The following ESRRG variants were observed in gnomAD, a reference collection of about 807,000 sequenced individuals.
The protein encoded by ESRRG is estrogen related receptor gamma.
Under a neutral mutation model 44.0 loss-of-function variants are expected in ESRRG, and 13 were observed. The ratio of observed to expected loss-of-function variants is 0.30; its 90% CI spans 0.19 to 0.47. The LOEUF is 0.47. Ranked by LOEUF, ESRRG falls within the 20% of genes least tolerant of loss-of-function variation. The pLI is 1.00. For synonymous variants in ESRRG, 215 were observed against 214.6 expected, an observed-to-expected ratio of 1.00 and a Z score of -0.02; for missense variants, 395 against 580.6, an observed-to-expected ratio of 0.68 and a Z score of 3.29.
At chr1:217,121,192 A>G (rs1227737689) in intron 1 of ESRRG, among the ~76,000 whole-genome samples, 1 of 152,172 alleles carries the variant, frequency 6.6e-6, no homozygotes, top group African/African-American at 2.4e-5. Context: ...AGATACAAAA[A>G]GAAATGCAAC....
intron 1 of ESRRG, among the ~76,000 whole-genome samples, chr1:217,130,123 G>A (rs1258460554): frequency 2.0e-5 from 3 of 152,196 alleles, no homozygotes; most frequent in African/African-American, 7.2e-5. Context: ...GATAGCAGCT[G>A]ACAAGTTGTC....
chr1:216,742,408 A>G (rs1368421132), intron 2 of ESRRG, among the ~76,000 whole-genome samples: 1 of 152,188 alleles, frequency 6.6e-6, no homozygotes, highest in African/African-American at 2.4e-5. Context: ...AAGATAAAAG[A>G]GAATAATGGA....
chr1:216,569,440 C>T (rs1003766398), intron 3 of ESRRG, among the ~76,000 whole-genome samples: 4 of 151,862 alleles, frequency 2.6e-5, no homozygotes, highest in African/African-American at 9.7e-5. Context: ...TGGGTTGGGT[C>T]AAGATTCAAA....
intron 2 of ESRRG, among the ~76,000 whole-genome samples, chr1:216,772,140 GA>G (rs1461910688): frequency 6.6e-6 from 1 of 152,100 alleles, no homozygotes; most frequent in Non-Finnish European, 1.5e-5. Context: ...GTGAGCTGAA[GA>G]ATGGAGGCCC....
chr1:216,622,618 GCACA>G (rs961026287), intron 3 of ESRRG, among the ~76,000 whole-genome samples: 3 of 150,792 alleles, frequency 2.0e-5, no homozygotes, highest in Non-Finnish European at 4.4e-5. Context: ...TTACACACAC[GCACA>G]CACACACACA....
At chr1:216,829,809 CT>C (rs2095457764) in intron 2 of ESRRG, among the ~76,000 whole-genome samples, 1 of 152,150 alleles carries the variant, frequency 6.6e-6, no homozygotes, top group Non-Finnish European at 1.5e-5. Flanking sequence ...CCTCCTCGGC[CT>C]CCCAAAGTGC....
chr1:217,119,005 G>GGATATATAGATA (rs1247398497), intron 1 of ESRRG, among the ~76,000 whole-genome samples: 1 of 137,352 alleles, frequency 7.3e-6, no homozygotes, highest in Admixed American at 7.2e-5. Flanking sequence ...GAAACTAGAT[G>GGATATATAGATA]GATAGATAGA....
intron 2 of ESRRG, among the ~76,000 whole-genome samples, chr1:216,828,095 G>T (rs2095427603): frequency 6.6e-6 from 1 of 152,056 alleles, no homozygotes; most frequent in Non-Finnish European, 1.5e-5. Context: ...AACTATCAAG[G>T]ATTGAACATT....
upstream of ESRRG, among the ~76,000 whole-genome samples, chr1:217,092,185 T>C (rs946466068): frequency 6.6e-6 from 1 of 152,230 alleles, no homozygotes; most frequent in African/African-American, 2.4e-5. Context: ...CTGTTGCTTA[T>C]TCAAGTTCAA....
chr1:217,024,699 C>T (rs1461972529), intron 1 of ESRRG, among the ~76,000 whole-genome samples: 1 of 152,206 alleles, frequency 6.6e-6, no homozygotes, highest in Admixed American at 6.5e-5. Flanking sequence ...GACTATGTCT[C>T]AGGGCTTCCT....
chr1:216,770,041 C>A (rs957582341), intron 2 of ESRRG, among the ~76,000 whole-genome samples: 4 of 151,614 alleles, frequency 2.6e-5, no homozygotes, highest in Non-Finnish European at 5.9e-5. Flanking sequence ...TAGGGTAGGG[C>A]AAAAAGAGCA....
intron 2 of ESRRG, among the ~76,000 whole-genome samples, chr1:216,936,241 T>C (rs2064133799): frequency 6.6e-6 from 1 of 152,120 alleles, no homozygotes; most frequent in African/African-American, 2.4e-5. Flanking sequence ...TAGTAGATGT[T>C]TGGCTTCTTG....
intron 3 of ESRRG, among the ~76,000 whole-genome samples, chr1:216,624,280 C>A (rs956200279): frequency 1.3e-5 from 2 of 152,170 alleles, no homozygotes; most frequent in African/African-American, 2.4e-5. Flanking sequence ...GTTCAATTAT[C>A]ATTGCAAAGA....
intron 4 of ESRRG, among the ~76,000 whole-genome samples, chr1:216,566,454 G>A (rs1032980478): frequency 1.3e-5 from 2 of 152,160 alleles, no homozygotes; most frequent in Non-Finnish European, 2.9e-5. Context: ...TACTTGACAA[G>A]CCACTTCCCA....
intron 2 of ESRRG, among the ~76,000 whole-genome samples, chr1:216,838,954 C>A (rs750890991): frequency 2.1e-4 from 32 of 152,056 alleles, no homozygotes; most frequent in Non-Finnish European, 3.5e-4. Context: ...GCTGGGGTAG[C>A]TGTAGCAGTT....
chr1:216,969,923 T>C (rs1249549420), intron 1 of ESRRG, among the ~76,000 whole-genome samples: 2 of 152,186 alleles, frequency 1.3e-5, no homozygotes, highest in Non-Finnish European at 2.9e-5. Flanking sequence ...TGTGATGTTT[T>C]CAAGCAAGAA....
chr1:216,511,792 T>A (rs2042801137), intron 6 of ESRRG, among the ~76,000 whole-genome samples: 1 of 152,184 alleles, frequency 6.6e-6, no homozygotes, highest in Non-Finnish European at 1.5e-5. Flanking sequence ...TTCAAAAAGA[T>A]TTCAGAAGCC....
chr1:216,801,827 T>C (rs1455326589), intron 2 of ESRRG, among the ~76,000 whole-genome samples: 2 of 152,186 alleles, frequency 1.3e-5, no homozygotes, highest in Non-Finnish European at 1.5e-5. Context: ...TTACCAATTC[T>C]TGATAATTAG....
chr1:217,076,245 T>C (rs1362665651), intron 1 of ESRRG, among the ~76,000 whole-genome samples: 2 of 152,172 alleles, frequency 1.3e-5, no homozygotes, highest in Non-Finnish European at 2.9e-5. Context: ...ATGCATGCTG[T>C]GTACTGACTA....
Sources: gnomAD v4.1 joint callset for allele counts (sites outside exome capture counted in the v4.1 genomes callset) on GRCh38, gnomAD v4.1.1 for gene constraint, MANE v1.5 for transcripts, NCBI Gene and HGNC (gene_info 2026-07-23, HGNC 2026-07-21) for gene names.